Variants in NEGR1 observed in about 807,000 individuals in gnomAD.
The protein encoded by NEGR1 is neuronal growth regulator 1, also known as IgLON family member 4.
In NEGR1, 10 loss-of-function variants were observed where a neutral mutation model predicts 40.9. That is an observed-to-expected ratio of 0.24 (90% CI 0.15 to 0.42). The LOEUF (loss-of-function observed/expected upper bound fraction) is 0.42. Among genes scored for constraint, NEGR1 ranks in the 10% least tolerant of loss-of-function variants. NEGR1 has a pLI of 1.00. For synonymous variants in NEGR1, 185 were observed against 166.8 expected (o/e 1.11, Z -0.84); for missense variants, 352 against 438.9 (o/e 0.80, Z 1.77).
chr1:71,493,240 C>T (rs903861544), intron 6 of NEGR1, among the ~76,000 whole-genome samples: 1 of 152,032 alleles, frequency 6.6e-6, no homozygotes, highest in African/African-American at 2.4e-5. Flanking sequence ...CTGTGTACTT[C>T]AAAGACCCAC....
intron 1 of NEGR1, among the ~76,000 whole-genome samples, chr1:72,126,676 T>C (rs1030904888): frequency 2.6e-5 from 4 of 152,150 alleles, no homozygotes; most frequent in African/African-American, 7.2e-5. Flanking sequence ...TTGAAAGCTA[T>C]CATGTCAGCC....
chr1:72,014,241 TTA>T (rs1165819323), intron 1 of NEGR1, among the ~76,000 whole-genome samples: 1 of 151,974 alleles, frequency 6.6e-6, no homozygotes. Context: ...AGTACAAACA[TTA>T]TCTTGATTAA....
intron 1 of NEGR1, among the ~76,000 whole-genome samples, chr1:72,168,457 T>G (rs2630430): frequency 0.98 from 148,905 of 152,202 alleles, 72,858 homozygotes; most frequent in East Asian, 1. Context: ...TTTTGAAAGT[T>G]AAGAAAATGA....
intron 2 of NEGR1, among the ~76,000 whole-genome samples, chr1:71,784,035 C>T (rs1158362902): frequency 6.6e-6 from 1 of 152,156 alleles, no homozygotes. Context: ...GTAACTAACT[C>T]TTCCTTATGG....
At chr1:71,873,334 T>C (rs1660334322) in intron 2 of NEGR1, among the ~76,000 whole-genome samples, 1 of 151,896 alleles carries the variant, frequency 6.6e-6, no homozygotes, top group South Asian at 2.1e-4. Context: ...CAGTGTGAAG[T>C]AGCTAAAATA....
chr1:71,456,394 C>A (rs2101336847), intron 6 of NEGR1, among the ~76,000 whole-genome samples: 1 of 152,190 alleles, frequency 6.6e-6, no homozygotes, highest in African/African-American at 2.4e-5. Context: ...AACAATGAAC[C>A]ATCACACCTG....
At chr1:71,871,876 C>A (rs900674842) in intron 2 of NEGR1, among the ~76,000 whole-genome samples, 2 of 152,122 alleles carry the variant, frequency 1.3e-5, no homozygotes, top group African/African-American at 2.4e-5. Context: ...CAATCAATTT[C>A]TATTTGAGAT....
At chr1:71,880,986 A>G (rs1411614515) in intron 2 of NEGR1, among the ~76,000 whole-genome samples, 3 of 152,050 alleles carry the variant, frequency 2.0e-5, no homozygotes, top group African/African-American at 7.2e-5. Flanking sequence ...AAATACTCAA[A>G]ATGGCAAAAG....
intron 6 of NEGR1, among the ~76,000 whole-genome samples, chr1:71,440,831 G>T (rs1433039310): frequency 6.6e-6 from 1 of 152,194 alleles, no homozygotes; most frequent in Non-Finnish European, 1.5e-5. Flanking sequence ...ACAAAGTCTT[G>T]TGTGTCTGGG....
intron 1 of NEGR1, among the ~76,000 whole-genome samples, chr1:72,220,068 A>C (rs2100480215): frequency 6.6e-6 from 1 of 152,178 alleles, no homozygotes; most frequent in Admixed American, 6.6e-5. Flanking sequence ...TGTTAATATT[A>C]ATAGTCACTT....
At chr1:71,918,232 AAAAAAAAAAAAAAAAAAAAAAAAAG>A (rs1661657121) in intron 2 of NEGR1, among the ~76,000 whole-genome samples, 1 of 117,560 alleles carries the variant, frequency 8.5e-6, no homozygotes, top group Non-Finnish European at 1.9e-5. Flanking sequence ...AAAAAAAAAA[AAAAAAAAAAAAAAAAAAAAAAAAAG>A]AAGAAGAAGA....
At chr1:71,976,596 T>G (rs892245063) in intron 1 of NEGR1, among the ~76,000 whole-genome samples, 2 of 152,224 alleles carry the variant, frequency 1.3e-5, no homozygotes, top group Non-Finnish European at 2.9e-5. Flanking sequence ...AATAATTATC[T>G]TTTTGTATTT....
chr1:71,491,970 A>G (rs1320034462), intron 6 of NEGR1, among the ~76,000 whole-genome samples: 1 of 152,060 alleles, frequency 6.6e-6, no homozygotes, highest in African/African-American at 2.4e-5. Flanking sequence ...CATTTCATGA[A>G]TGAGATTAAT....
intron 1 of NEGR1, among the ~76,000 whole-genome samples, chr1:72,021,318 A>C (rs895750114): frequency 2.6e-5 from 4 of 152,160 alleles, no homozygotes; most frequent in Admixed American, 2.6e-4. Flanking sequence ...TTATATCATA[A>C]CAGAGACTGA....
At chr1:72,151,431 T>A (rs933603359) in intron 1 of NEGR1, among the ~76,000 whole-genome samples, 1 of 151,734 alleles carries the variant, frequency 6.6e-6, no homozygotes, top group Non-Finnish European at 1.5e-5. Context: ...TCAATAGGTT[T>A]TTGGACAGAT....
At chr1:71,858,572 C>G (rs990434398) in intron 2 of NEGR1, among the ~76,000 whole-genome samples, 1 of 151,998 alleles carries the variant, frequency 6.6e-6, no homozygotes, top group Non-Finnish European at 1.5e-5. Flanking sequence ...AGGAACTTAG[C>G]TGATATTTTC....
chr1:71,521,371 A>G (rs1647156501), intron 6 of NEGR1, among the ~76,000 whole-genome samples: 1 of 152,066 alleles, frequency 6.6e-6, no homozygotes. Flanking sequence ...CCTCCACTAT[A>G]GAGAGACTAT....
intron 2 of NEGR1, among the ~76,000 whole-genome samples, chr1:71,887,665 T>A (rs190670557): frequency 9.2e-5 from 14 of 152,284 alleles, no homozygotes; most frequent in Non-Finnish European, 1.8e-4. Context: ...AATATCCTCC[T>A]TCCAGCTTTT....
Position 71,399,346 on chromosome 1 carries a change from T to C in NEGR1, c.*8100A>G, listed in dbSNP as rs1049450779. ...TTAGACAGTAACACATTTCAAAGCA[T>C]AATTTAGTTGTTTATCAACAAGAAA... On this transcript the variant is annotated 3_prime_UTR_variant, in exon 7 of 7. Coordinates refer to ENST00000357731, the MANE Select transcript of NEGR1 (RefSeq NM_173808.3). 18 of 152,126 alleles carry C rather than the reference T, an allele frequency of 1.2e-4. No homozygotes were observed. Among genetic ancestry groups the C allele is most frequent in the Non-Finnish European group, 7.4e-5 (5 of 68,020 alleles). 9.4% of individuals were successfully genotyped at this position (152,126 alleles called of 1,614,324 possible). A position where few individuals can be genotyped will look rare whatever the true frequency, so the allele number is the denominator to read the frequency against.
Sources: gnomAD v4.1 joint callset for allele counts (sites outside exome capture counted in the v4.1 genomes callset) on GRCh38, gnomAD v4.1.1 for gene constraint, MANE v1.5 for transcripts, NCBI Gene and HGNC (gene_info 2026-07-23, HGNC 2026-07-21) for gene names.